The following LSM7 variants were observed in gnomAD, a reference collection of about 807,000 sequenced individuals.
The protein encoded by LSM7 is LSM7 homolog, U6 small nuclear RNA and mRNA degradation associated, also known as U6 snRNA-associated Sm-like protein LSm7.
In LSM7, 13 loss-of-function variants were observed where a neutral mutation model predicts 14.1. The observed-to-expected ratio is 0.92, with a 90% CI of 0.60 to 1.47. The LOEUF (loss-of-function observed/expected upper bound fraction) is 1.47, where lower values mean the gene tolerates loss of function less well. Ranked by LOEUF, LSM7 falls within the 40% of genes most tolerant of loss-of-function variation. LSM7 has a pLI of 0.00. For missense variants in LSM7, 108 were observed against 140.8 expected, an observed-to-expected ratio of 0.77 and a Z score of 1.18; for synonymous variants, 70 against 57.1, an observed-to-expected ratio of 1.23 and a Z score of -1.02.
At chr19:2,323,795 TA>T (rs1014037812) in intron 3 of LSM7, among the ~76,000 whole-genome samples, 2 of 152,074 alleles carry the variant, frequency 1.3e-5, no homozygotes, top group African/African-American at 4.8e-5. Flanking sequence ...ATAAAACATT[TA>T]AAAAGGTTGT....
intron 1 of LSM7, 25 bp downstream of exon 1, chr19:2,328,536 G>T: frequency 6.2e-7 from 1 of 1,604,992 alleles, no homozygotes; most frequent in Non-Finnish European, 8.5e-7. Flanking sequence ...ACGCCCCCCG[G>T]CTCCAGATTC....
intron 3 of LSM7, among the ~76,000 whole-genome samples, chr19:2,323,430 C>T (rs1242280843): frequency 1.3e-5 from 2 of 152,304 alleles, no homozygotes; most frequent in East Asian, 1.9e-4. Flanking sequence ...GAGACCAGCC[C>T]GGGCAACACA....
At chr19:2,326,204 G>C (rs1318638359) in intron 2 of LSM7, 2 of 152,312 alleles carry the variant, frequency 1.3e-5, no homozygotes, top group Non-Finnish European at 2.9e-5. Flanking sequence ...CTTTGCAGCT[G>C]TAATTAGAGC....
intron 3 of LSM7, 72 bp downstream of exon 3, chr19:2,324,053 C>T: frequency 1.1e-6 from 1 of 947,254 alleles, no homozygotes. Flanking sequence ...CACTGCCCCC[C>T]TCGTCCCGCT....
chr19:2,322,256 G>A (rs954803891), intron 3 of LSM7, among the ~76,000 whole-genome samples: 3 of 152,216 alleles, frequency 2.0e-5, no homozygotes, highest in African/African-American at 7.2e-5. Flanking sequence ...AAAGAGGCTG[G>A]GGGCCGGGCG....
In LSM7 at chr19:2,321,766, ACAC is replaced by A; in HGVS notation, c.223_225del (p.Val75del). ...ATTAGCACCACGGACGTGCCCCGGCACACCACGAGGCCCAGCTGCCGGGTGTCC... is the reference window on the plus strand; with the variant it reads ...ATTAGCACCACGGACGTGCCCCGGCACACGAGGCCCAGCTGCCGGGTGTCC... On this transcript the variant is annotated inframe_deletion, in exon 4 of 4. Transcript: ENST00000252622. This position sits in a 1 kb window ranked among gnomAD's most constrained non-coding sequence, Gnocchi z 5.0. The A allele has an allele frequency of 6.4e-7, 1 of 1,560,562 alleles. No individual in the cohort carries two copies. Among genetic ancestry groups the A allele is most frequent in the Non-Finnish European group, 8.7e-7 (1 of 1,153,438 alleles).
intron 3 of LSM7, among the ~76,000 whole-genome samples, chr19:2,323,792 AT>A (rs776071444): frequency 6.6e-5 from 10 of 152,132 alleles, no homozygotes; most frequent in Non-Finnish European, 1.0e-4. Context: ...ATAATAAAAC[AT>A]TTAAAAAGGT....
chr19:2,325,659 C>CA (rs71176538), intron 2 of LSM7, among the ~76,000 whole-genome samples: 104,665 of 152,076 alleles, frequency 0.69, 37,239 homozygotes, highest in Non-Finnish European at 0.79. Flanking sequence ...TGCGGTGGTG[C>CA]GGGGGAGGGT....
At chr19:2,326,545 AG>A (rs1188966040) in intron 2 of LSM7, among the ~76,000 whole-genome samples, 1 of 152,234 alleles carries the variant, frequency 6.6e-6, no homozygotes, top group Non-Finnish European at 1.5e-5. Flanking sequence ...CATGTAGGCC[AG>A]GCTGGTCTCA....
intron 2 of LSM7, among the ~76,000 whole-genome samples, chr19:2,327,362 C>T (rs748054036): frequency 3.3e-5 from 5 of 152,138 alleles, no homozygotes; most frequent in Non-Finnish European, 5.9e-5. Context: ...CCTGCCTCAG[C>T]CCCCCGAGTA....
chr19:2,321,895 C>T lies in LSM7; in HGVS notation c.170-73G>A. 2 of 1,306,018 alleles carry T rather than the reference C, an allele frequency of 1.5e-6. No homozygotes were observed. The highest frequency in any genetic ancestry group is 1.9e-5 in the South Asian group (1 of 52,198). The allele number at this position is 1,306,018 out of a possible 1,614,324, so 80.9% of individuals were successfully genotyped here. On this transcript the variant is annotated intron_variant, in intron 3 of 3. Coordinates refer to ENST00000252622, the MANE Select transcript of LSM7 (RefSeq NM_016199.3). This position sits in a 1 kb window ranked among gnomAD's most constrained non-coding sequence, Gnocchi z 5.0. ...CGAGACCCCCCACCCACCCAAGACC[C>T]TCGCTCCGACCTCCCCACCTGCACC...
Position 2,328,193 on chromosome 19 carries a change from C to T in LSM7, c.97+194G>A. On this transcript the variant is annotated intron_variant, in intron 2 of 3. Transcript: ENST00000252622. ...GCTGAGGCACAAGAATCACTTGAAC[C>T]TGGGAGGCGGAGGTTGCAGTGAGCT... The T allele has an allele frequency of 1.1e-5, 6 of 559,052 alleles. No homozygotes were observed. In the Admixed American group the frequency reaches 1.3e-4, roughly 12 times the overall value. The allele number at this position is 559,052 out of a possible 1,614,324, so 34.6% of individuals were successfully genotyped here.
chr19:2,322,498 G>A (rs562026736), intron 3 of LSM7, among the ~76,000 whole-genome samples: 127 of 152,240 alleles, frequency 8.3e-4, no homozygotes, highest in Middle Eastern at 3.4e-3. Flanking sequence ...CCGAGATCGC[G>A]CCACTGCACT....
intron 3 of LSM7, among the ~76,000 whole-genome samples, chr19:2,322,314 C>T (rs1303900986): frequency 2.6e-5 from 4 of 152,014 alleles, no homozygotes; most frequent in South Asian, 4.2e-4. Flanking sequence ...CCAAGGCAGG[C>T]GGATCACGAG....
At chr19:2,326,345 T>G (rs1968017898) in intron 2 of LSM7, among the ~76,000 whole-genome samples, 1 of 130,414 alleles carries the variant, frequency 7.7e-6, no homozygotes, top group Non-Finnish European at 1.7e-5. Context: ...TGTGTGTGTG[T>G]GTGTGTGTGT....
Position 2,324,250 on chromosome 19 carries a change from C to T in LSM7, c.98-54G>A, listed in dbSNP as rs368643011. 388 of 1,395,040 alleles carry T rather than the reference C, an allele frequency of 2.8e-4. 1 individual carries two copies. In the African/African-American group the frequency reaches 2.9e-3, roughly 10 times the overall value. The allele number at this position is 1,395,040 out of a possible 1,614,324, so 86.4% of individuals were successfully genotyped here. ...GAGAAGGCATGAGATCCGTCCTGGG[C>T]GCAGGGCCCGCCCCAGCATGGCCCA... On this transcript the variant is annotated intron_variant, in intron 2 of 3. Transcript: ENST00000252622.
intron 2 of LSM7, among the ~76,000 whole-genome samples, chr19:2,325,617 C>T (rs73520542): frequency 0.015 from 2,266 of 152,168 alleles, 59 homozygotes; most frequent in African/African-American, 0.051. Flanking sequence ...AGCCCGTCCA[C>T]GGCTGCTCCA....
chr19:2,321,686 G>A lies in LSM7; in HGVS notation c.306C>T (p.Asp102=), dbSNP rs781069656. 24 of 1,540,712 alleles carry A rather than the reference G, an allele frequency of 1.6e-5. No individual in the cohort carries two copies. Among genetic ancestry groups the A allele is most frequent in the Admixed American group, 6.0e-5 (3 of 50,066 alleles). The change falls in exon 4 of 4, where the codon GAC becomes GAT. Residue 102 remains aspartate (D), a synonymous_variant. Coordinates refer to ENST00000252622, the MANE Select transcript of LSM7 (RefSeq NM_016199.3). This position sits in a 1 kb window ranked among gnomAD's most constrained non-coding sequence, Gnocchi z 5.0. ...CCCCGCGCCCCCGGCCAGGCTAGGC[G>A]TCCTGCTGCTGGATGAAGGGGTTGG... ...AIPNPFIQQQ[D]A
chr19:2,324,241 C>T (rs781320146), intron 2 of LSM7, 45 bp from the exon 3 acceptor site: 69 of 1,473,408 alleles, frequency 4.7e-5, no homozygotes, highest in Middle Eastern at 1.7e-4. Context: ...GCATGAGATC[C>T]GTCCTGGGCG....
Sources: gnomAD v4.1 joint callset for allele counts (sites outside exome capture counted in the v4.1 genomes callset) on GRCh38, gnomAD v4.1.1 for gene constraint, Gnocchi (gnomAD v3.1) non-coding constraint, MANE v1.5 for transcripts, NCBI Gene and HGNC (gene_info 2026-07-23, HGNC 2026-07-21) for gene names.